The following CNTNAP2 variants were observed in gnomAD, a reference collection of about 807,000 sequenced individuals.
The protein encoded by CNTNAP2 is contactin associated protein 2.
A neutral mutation model predicts 155.2 loss-of-function variants in CNTNAP2; 98 were observed. The observed-to-expected ratio is 0.63, with a 90% CI of 0.54 to 0.75. The LOEUF (loss-of-function observed/expected upper bound fraction) is 0.75. Ranked by LOEUF, CNTNAP2 falls within the 30% of genes least tolerant of loss-of-function variation. The probability of loss-of-function intolerance (pLI) is 0.00; values close to 1 mark genes in which losing one functional copy is unlikely to be tolerated. For missense variants in CNTNAP2, 1,727 were observed against 1,688.1 expected (o/e 1.02, Z -0.40); for synonymous variants, 651 against 631.2 (o/e 1.03, Z -0.47).
At chr7:146,698,111 T>G (rs1479815693) in intron 1 of CNTNAP2, among the ~76,000 whole-genome samples, 1 of 152,170 alleles carries the variant, frequency 6.6e-6, no homozygotes, top group Non-Finnish European at 1.5e-5. Context: ...TCATCACATG[T>G]AACATTGCTC....
At chr7:146,271,625 A>C (rs1217956161) in intron 1 of CNTNAP2, among the ~76,000 whole-genome samples, 1 of 151,776 alleles carries the variant, frequency 6.6e-6, no homozygotes, top group Admixed American at 6.6e-5. Flanking sequence ...TTAGTTTTCA[A>C]ATATTTTTAA....
chr7:146,942,800 T>A (rs753375112), intron 3 of CNTNAP2, among the ~76,000 whole-genome samples: 2 of 152,228 alleles, frequency 1.3e-5, no homozygotes, highest in African/African-American at 4.8e-5. Flanking sequence ...TTAATTGTTA[T>A]AATCTTTCCA....
rs188973898 is a variant in CNTNAP2, at chr7:146,991,805, G to T, written c.403-52102G>T. Among the ~76,000 whole-genome samples the T allele has an allele frequency of 5.6e-4, 86 of 152,288 alleles. 1 individual carries two copies. The highest frequency in any genetic ancestry group is 6.2e-4 in the South Asian group (3 of 4,826). Reference sequence around the variant, plus strand: ...ATCATTTTTTGAAATCTTCCGTGTTGTTATGGTGATTTGTGTATTTAGAAC... The same window carrying T: ...ATCATTTTTTGAAATCTTCCGTGTTTTTATGGTGATTTGTGTATTTAGAAC... On this transcript the variant is annotated intron_variant, in intron 3 of 23. Coordinates refer to ENST00000361727, the MANE Select transcript of CNTNAP2 (RefSeq NM_014141.6).
chr7:148,060,587 A>T (rs765098684), intron 15 of CNTNAP2, among the ~76,000 whole-genome samples: 1 of 152,242 alleles, frequency 6.6e-6, no homozygotes, highest in Non-Finnish European at 1.5e-5. Flanking sequence ...ATGTATCAAC[A>T]TAGTAACTCT....
intron 15 of CNTNAP2, among the ~76,000 whole-genome samples, chr7:147,982,030 T>C (rs1345442800): frequency 6.6e-6 from 1 of 152,154 alleles, no homozygotes; most frequent in Non-Finnish European, 1.5e-5. Flanking sequence ...CAGGTAGACA[T>C]TGTTTCAAAT....
chr7:147,014,939 T>G (rs1798692769), intron 3 of CNTNAP2, among the ~76,000 whole-genome samples: 1 of 152,158 alleles, frequency 6.6e-6, no homozygotes, highest in Non-Finnish European at 1.5e-5. Flanking sequence ...AATATTAAGA[T>G]TATTAATGCC....
At chr7:147,562,757 T>C (rs1019422803) in intron 12 of CNTNAP2, among the ~76,000 whole-genome samples, 1 of 152,218 alleles carries the variant, frequency 6.6e-6, no homozygotes, top group African/African-American at 2.4e-5. Context: ...GCTTTTCTTC[T>C]TGGGAAGAGG....
chr7:147,824,251 G>A lies in CNTNAP2; in HGVS notation c.2099-79314G>A, dbSNP rs532700854. Among the ~76,000 whole-genome samples the A allele has an allele frequency of 7.2e-5, 11 of 152,196 alleles. No homozygotes were observed. The South Asian group carries it at 1.5e-3, about 20-fold the overall frequency. On this transcript the variant is annotated intron_variant, in intron 13 of 23. Transcript: ENST00000361727. Reference sequence around the variant, plus strand: ...AGCTTGCATTTCAGATTAAACTATCGCAGAGAGTAGAATTTCTTCCTTCCT... The same window carrying A: ...AGCTTGCATTTCAGATTAAACTATCACAGAGAGTAGAATTTCTTCCTTCCT...
chr7:147,276,449 T>C (rs1804898423), intron 8 of CNTNAP2, among the ~76,000 whole-genome samples: 1 of 152,084 alleles, frequency 6.6e-6, no homozygotes, highest in Non-Finnish European at 1.5e-5. Flanking sequence ...AATTAAATAG[T>C]TTCTCTTTAT....
At chr7:146,794,024 C>G (rs772361948) in intron 2 of CNTNAP2, among the ~76,000 whole-genome samples, 1 of 152,140 alleles carries the variant, frequency 6.6e-6, no homozygotes, top group African/African-American at 2.4e-5. Context: ...ACAGCTGCTG[C>G]TGATTTTGAG....
chr7:146,955,571 T>G (rs28490170), intron 3 of CNTNAP2, among the ~76,000 whole-genome samples: 4,068 of 152,096 alleles, frequency 0.027, 183 homozygotes, highest in African/African-American at 0.092. Context: ...ATTTATTGTT[T>G]CAAATTAATA....
intron 14 of CNTNAP2, among the ~76,000 whole-genome samples, chr7:147,975,222 T>G (rs1369932628): frequency 6.6e-6 from 1 of 152,112 alleles, no homozygotes; most frequent in African/African-American, 2.4e-5. Flanking sequence ...TGCATAGTGA[T>G]TCCATGCACA....
chr7:147,884,208 G>A (rs547758615), intron 13 of CNTNAP2, among the ~76,000 whole-genome samples: 3 of 152,282 alleles, frequency 2.0e-5, no homozygotes, highest in Non-Finnish European at 2.9e-5. Flanking sequence ...ATGGCAGACC[G>A]GCTGGAACAG....
intron 13 of CNTNAP2, among the ~76,000 whole-genome samples, chr7:147,879,568 G>A (rs1036500217): frequency 5.9e-5 from 9 of 152,210 alleles, no homozygotes; most frequent in East Asian, 1.9e-4. Flanking sequence ...CAATAAGTCC[G>A]TGTAGGGGCT....
intron 13 of CNTNAP2, among the ~76,000 whole-genome samples, chr7:147,822,937 G>C (rs1310986289): frequency 6.6e-6 from 1 of 152,096 alleles, no homozygotes; most frequent in African/African-American, 2.4e-5. Flanking sequence ...ACAAGGGTTG[G>C]TACAGAAAAT....
intron 1 of CNTNAP2, among the ~76,000 whole-genome samples, chr7:146,638,856 CAG>C (rs1438375265): frequency 6.6e-6 from 1 of 152,052 alleles, no homozygotes; most frequent in East Asian, 1.9e-4. Context: ...ACAAAAATCA[CAG>C]AGTGTAATTC....
At chr7:148,180,670 G>A (rs956595246) in intron 18 of CNTNAP2, among the ~76,000 whole-genome samples, 2 of 152,190 alleles carry the variant, frequency 1.3e-5, no homozygotes, top group African/African-American at 4.8e-5. Context: ...TAGAGAAAGG[G>A]TCTACATGCT....
intron 1 of CNTNAP2, among the ~76,000 whole-genome samples, chr7:146,433,888 T>C (rs1408964852): frequency 6.6e-6 from 1 of 152,138 alleles, no homozygotes; most frequent in African/African-American, 2.4e-5. Flanking sequence ...GCAGCAAACC[T>C]AACCACAGCT....
chr7:147,644,844 A>G (rs1425072103), intron 13 of CNTNAP2, among the ~76,000 whole-genome samples: 2 of 152,156 alleles, frequency 1.3e-5, no homozygotes, highest in Non-Finnish European at 2.9e-5. Flanking sequence ...AAATCATATT[A>G]CACTTTCTAG....
Sources: gnomAD v4.1 joint callset for allele counts (sites outside exome capture counted in the v4.1 genomes callset) on GRCh38, gnomAD v4.1.1 for gene constraint, MANE v1.5 for transcripts, NCBI Gene and HGNC (gene_info 2026-07-23, HGNC 2026-07-21) for gene names.